ZNF407: variants seen among roughly 807,000 people sequenced by gnomAD.
ZNF407 encodes the protein zinc finger protein 407.
ZNF407 carries 17 observed loss-of-function variants against 131.2 expected under a neutral mutation model. That is an observed-to-expected ratio of 0.13 (90% CI 0.09 to 0.19). The LOEUF is 0.19. Ranked by LOEUF, ZNF407 falls within the 10% of genes least tolerant of loss-of-function variation. The pLI is 1.00. For missense variants in ZNF407, 2,681 were observed against 2,830.6 expected, an observed-to-expected ratio of 0.95 and a Z score of 1.20; for synonymous variants, 1,156 against 1,062.0, an observed-to-expected ratio of 1.09 and a Z score of -1.72.
chr18:75,040,883 T>G (rs1473076950), intron 8 of ZNF407, among the ~76,000 whole-genome samples: 1 of 152,118 alleles, frequency 6.6e-6, no homozygotes, highest in Non-Finnish European at 1.5e-5. Context: ...TGGAGAACGG[T>G]AGAGCTCCAC....
At chr18:74,749,331 C>T (rs1168514476) in intron 3 of ZNF407, among the ~76,000 whole-genome samples, 1 of 152,116 alleles carries the variant, frequency 6.6e-6, no homozygotes, top group Non-Finnish European at 1.5e-5. Flanking sequence ...TCTTCACATC[C>T]CCCAGCCTTC....
At chr18:74,618,006 C>G (rs933040487) in intron 1 of ZNF407, among the ~76,000 whole-genome samples, 4 of 152,164 alleles carry the variant, frequency 2.6e-5, no homozygotes, top group African/African-American at 9.7e-5. Context: ...TCTCTCCCCA[C>G]TCCTCTCTCC....
At chr18:74,849,052 C>CTTTTTTTTTTTT (rs35529971) in intron 4 of ZNF407, among the ~76,000 whole-genome samples, 54 of 122,876 alleles carry the variant, frequency 4.4e-4, no homozygotes, top group Non-Finnish European at 6.0e-4. Context: ...ACTTTTGTTT[C>CTTTTTTTTTTTT]TTTTTTTTTT....
In ZNF407 at chr18:74,678,583, C is replaced by G. The variant is rs181105096; in HGVS notation, c.4802+37461C>G. 2.9e-3 allele frequency among the ~76,000 whole-genome samples: 439 copies of G among 152,268 alleles called. 5 individuals carry two copies. The highest frequency in any genetic ancestry group is 1.7e-3 in the Non-Finnish European group (117 of 68,024). On this transcript the variant is annotated intron_variant, in intron 3 of 8. Coordinates refer to ENST00000299687, the MANE Select transcript of ZNF407 (RefSeq NM_017757.3). The stretch of plus-strand genomic sequence containing the variant: ...CTTCATGATTTTCTTTGATTTTGCC[C>G]AGATCCTGGCCACATAATTTCTCAC...
intron 4 of ZNF407, among the ~76,000 whole-genome samples, chr18:74,826,278 A>G (rs190115339): frequency 6.6e-6 from 1 of 152,286 alleles, no homozygotes; most frequent in East Asian, 1.9e-4. Flanking sequence ...GAAAACTGAT[A>G]GGAGAGAGAG....
chr18:74,723,948 G>C (rs1477911087), intron 3 of ZNF407, among the ~76,000 whole-genome samples: 3 of 150,268 alleles, frequency 2.0e-5, no homozygotes, highest in Admixed American at 6.6e-5. Flanking sequence ...GGCGGGGTGG[G>C]GGGGGTTTGT....
At position 74,634,181 on chromosome 18, in the gene ZNF407, CG is replaced by C; in HGVS notation, c.3163del (p.Ala1055ArgfsTer2). On this transcript the variant is annotated frameshift_variant, in exon 2 of 9. Transcript: ENST00000299687. LOFTEE classifies it high-confidence loss of function. Reference protein sequence around the residue: ...EFYCMACDYYAVTRREMTRHA... With the variant: ...EFYCMACDYYXVTRREMTRHA... Reference sequence around the variant, plus strand: ...TTTATTGCATGGCATGCGATTACTACGCGGTGACTCGTCGCGAGATGACCAG... The same window carrying C: ...TTTATTGCATGGCATGCGATTACTACCGGTGACTCGTCGCGAGATGACCAG... The C allele has an allele frequency of 6.2e-7, 1 of 1,614,008 alleles. No individual in the cohort carries two copies. The highest frequency in any genetic ancestry group is 8.5e-7 in the Non-Finnish European group (1 of 1,179,906).
chr18:75,005,661 C>T (rs1362210486), intron 8 of ZNF407, among the ~76,000 whole-genome samples: 1 of 151,684 alleles, frequency 6.6e-6, no homozygotes, highest in Non-Finnish European at 1.5e-5. Flanking sequence ...AAATTCTTGT[C>T]TCCTCACTCT....
At chr18:74,971,236 G>C (rs1429575665) in intron 8 of ZNF407, among the ~76,000 whole-genome samples, 1 of 151,698 alleles carries the variant, frequency 6.6e-6, no homozygotes, top group African/African-American at 2.4e-5. Context: ...ACATGGCCTG[G>C]AGACATTTTC....
In ZNF407 at chr18:74,890,050, T is replaced by C. The variant is rs1471377815; in HGVS notation, c.5249+12T>C. ...TGGTGTGACTACAGGTAATGACTCA[T>C]CACTGAGCAGTCAAATCAGGTGGGC... On this transcript the variant is annotated intron_variant, in intron 7 of 8. Transcript: ENST00000299687. 2 of 1,535,056 alleles carry C rather than the reference T, an allele frequency of 1.3e-6. No individual in the cohort carries two copies. The highest frequency in any genetic ancestry group is 1.7e-6 in the Non-Finnish European group (2 of 1,144,698).
At chr18:74,825,233 T>C (rs117663880) in intron 4 of ZNF407, among the ~76,000 whole-genome samples, 12,351 of 152,248 alleles carry the variant, frequency 0.081, 626 homozygotes, top group South Asian at 0.17. Flanking sequence ...ACAGCCATTA[T>C]CATGCTGAAT....
chr18:74,824,609 C>G (rs1970384445), intron 4 of ZNF407, among the ~76,000 whole-genome samples: 1 of 152,190 alleles, frequency 6.6e-6, no homozygotes, highest in Non-Finnish European at 1.5e-5. Flanking sequence ...ACTAGAAAAT[C>G]TAGCAGAAAT....
At chr18:74,897,198 T>C (rs1313032024) in intron 7 of ZNF407, among the ~76,000 whole-genome samples, 1 of 152,238 alleles carries the variant, frequency 6.6e-6, no homozygotes, top group East Asian at 1.9e-4. Context: ...AAAACAACCT[T>C]GTTTAAGTAA....
chr18:74,878,076 C>G (rs1212827885), intron 5 of ZNF407, among the ~76,000 whole-genome samples: 1 of 152,182 alleles, frequency 6.6e-6, no homozygotes, highest in Non-Finnish European at 1.5e-5. Context: ...CCAGAACTCT[C>G]AGTTGGGCCC....
chr18:74,734,816 A>G (rs1437456856), intron 3 of ZNF407, among the ~76,000 whole-genome samples: 1 of 151,994 alleles, frequency 6.6e-6, no homozygotes, highest in Non-Finnish European at 1.5e-5. Flanking sequence ...GAGTGCAGGA[A>G]TCTCAGTGAG....
chr18:74,894,515 TTAA>T (rs1971427654), intron 7 of ZNF407, among the ~76,000 whole-genome samples: 1 of 152,166 alleles, frequency 6.6e-6, no homozygotes, highest in Non-Finnish European at 1.5e-5. Flanking sequence ...ATAGGGTTTT[TTAA>T]TATTGAACTA....
chr18:74,669,148 C>G (rs1568156482), intron 3 of ZNF407, among the ~76,000 whole-genome samples: 3 of 152,194 alleles, frequency 2.0e-5, no homozygotes, highest in Admixed American at 1.3e-4. Context: ...CCTCTAAGCT[C>G]CAGGAAGGCA....
At chr18:74,762,734 GA>G (rs1212637238) in intron 3 of ZNF407, among the ~76,000 whole-genome samples, 50 of 151,714 alleles carry the variant, frequency 3.3e-4, no homozygotes, top group Non-Finnish European at 5.9e-5. Context: ...GCTGCTTTTA[GA>G]TTTTAGATTT....
rs762435320 is a variant in ZNF407 at position 75,064,070 on chromosome 18, G to A, written c.6349G>A (p.Ala2117Thr). The A allele has an allele frequency of 1.0e-5, 16 of 1,588,770 alleles. No homozygotes were observed. Among genetic ancestry groups the A allele is most frequent in the African/African-American group, 4.0e-5 (3 of 74,374 alleles). ...CGAAGAGGGTGCCGTCCACATGGTC[G>A]CCGGGGAGGGTGCCCAGATCATCAT... ...VSEEGAVHMV[A>T]GEGAQIIMQE... The change falls in exon 9 of 9, where the codon GCC becomes ACC. Residue 2117 changes from alanine to threonine, a missense_variant. Ala to Thr is a moderately conservative substitution (Grantham distance 58). Around this residue, in one of 6 missense-constraint regions of ZNF407, gnomAD observed 620 missense variants for 583.1 expected, o/e 1.06. Transcript: ENST00000299687.
Sources: allele counts gnomAD v4.1 joint callset (sites outside exome capture counted in the v4.1 genomes callset), GRCh38; gene constraint gnomAD v4.1.1; regional missense constraint gnomAD v4.1.1; transcripts MANE v1.5; gene names NCBI Gene and HGNC (gene_info 2026-07-23, HGNC 2026-07-21).